ACSBG1: variants seen among roughly 807,000 people sequenced by gnomAD.
The protein encoded by ACSBG1 is acyl-CoA synthetase bubblegum family member 1.
A neutral mutation model predicts 80.2 loss-of-function variants in ACSBG1; 39 were observed. The ratio of observed to expected loss-of-function variants is 0.49; its 90% CI spans 0.38 to 0.64. ACSBG1 has a LOEUF of 0.64. Ranked by LOEUF, ACSBG1 falls within the 30% of genes least tolerant of loss-of-function variation. The probability of loss-of-function intolerance (pLI) is 0.00; values close to 1 mark genes in which losing one functional copy is unlikely to be tolerated. For missense variants in ACSBG1, 828 were observed against 966.4 expected (o/e 0.86, Z 1.90); for synonymous variants, 392 against 379.5 (o/e 1.03, Z -0.38).
chr15:78,187,309 C>T (rs2075013921), intron 5 of ACSBG1, among the ~76,000 whole-genome samples: 1 of 152,032 alleles, frequency 6.6e-6, no homozygotes, highest in South Asian at 2.1e-4. Flanking sequence ...AGGGAATCCT[C>T]CCTAACTCAT....
intron 1 of ACSBG1, among the ~76,000 whole-genome samples, chr15:78,208,703 C>T (rs183487812): frequency 1.2e-3 from 178 of 152,308 alleles, no homozygotes; most frequent in Middle Eastern, 3.4e-3. Flanking sequence ...CAGACATAGA[C>T]GGGTCCAGGG....
At chr15:78,207,572 A>G (rs771717317) in intron 2 of ACSBG1, among the ~76,000 whole-genome samples, 1 of 152,096 alleles carries the variant, frequency 6.6e-6, no homozygotes, top group Admixed American at 6.6e-5. Flanking sequence ...TCAAGCCTCC[A>G]AAACAAACCT....
intron 4 of ACSBG1, 93 bp downstream of exon 4, chr15:78,193,839 G>A: frequency 6.7e-7 from 1 of 1,491,800 alleles, no homozygotes; most frequent in Non-Finnish European, 9.1e-7. Flanking sequence ...GGTGGGGAGT[G>A]GGTGGGGGCT....
chr15:78,182,978 G>T lies in ACSBG1; in HGVS notation c.664-193C>A, dbSNP rs570135025. ...TGAGAACTTGGGAGCAGTAAAGGTG[G>T]GGATAGCCAGGGGACTGGGGATGAC... On this transcript the variant is annotated intron_variant, in intron 5 of 13. Transcript: ENST00000258873. The T allele has an allele frequency of 3.7e-5, 23 of 619,750 alleles. No individual in the cohort carries two copies. In the South Asian group the frequency reaches 4.3e-4, roughly 12 times the overall value. 38.4% of individuals were successfully genotyped at this position (619,750 alleles called of 1,614,324 possible).
chr15:78,190,036 G>A (rs1366678229), intron 5 of ACSBG1, among the ~76,000 whole-genome samples: 1 of 152,050 alleles, frequency 6.6e-6, no homozygotes, highest in Non-Finnish European at 1.5e-5. Context: ...CTACATAAAG[G>A]AAGACAGAGT....
At chr15:78,189,124 C>T (rs2075033973) in intron 5 of ACSBG1, among the ~76,000 whole-genome samples, 1 of 151,742 alleles carries the variant, frequency 6.6e-6, no homozygotes, top group Non-Finnish European at 1.5e-5. Context: ...CAATGAGATA[C>T]CATCTCACAC....
chr15:78,208,413 C>T (rs952700981), intron 1 of ACSBG1, among the ~76,000 whole-genome samples: 6 of 152,066 alleles, frequency 3.9e-5, no homozygotes, highest in Admixed American at 1.3e-4. Context: ...ATGCCTCTCT[C>T]GGGGTCTCAG....
chr15:78,215,766 GAA>G (rs1398018718), intron 1 of ACSBG1, among the ~76,000 whole-genome samples: 3 of 149,938 alleles, frequency 2.0e-5, no homozygotes, highest in African/African-American at 7.4e-5. Flanking sequence ...AAGAAAGAAA[GAA>G]AGAAAGAAAG....
chr15:78,185,351 A>G (rs1177526422), intron 5 of ACSBG1, among the ~76,000 whole-genome samples: 1 of 152,212 alleles, frequency 6.6e-6, no homozygotes, highest in East Asian at 1.9e-4. Context: ...TCCCCCCACC[A>G]GCATGGAGGG....
intron 5 of ACSBG1, among the ~76,000 whole-genome samples, chr15:78,186,456 GA>G (rs1233196142): frequency 6.6e-6 from 1 of 152,162 alleles, no homozygotes; most frequent in Non-Finnish European, 1.5e-5. Context: ...TAAAAGATCA[GA>G]AATTATAGAA....
chr15:78,193,870 C>T (rs557919409), intron 4 of ACSBG1, 62 bp downstream of exon 4: 1 of 1,576,416 alleles, frequency 6.3e-7, no homozygotes, highest in Admixed American at 1.8e-5. Flanking sequence ...GATAAGGACC[C>T]TCCCCTACCC....
Position 78,194,733 on chromosome 15 carries a change from G to A in ACSBG1, c.233-7C>T. 1 of 1,610,036 alleles carries A rather than the reference G, an allele frequency of 6.2e-7. No individual in the cohort carries two copies. The highest frequency in any genetic ancestry group is 8.5e-7 in the Non-Finnish European group (1 of 1,178,850). ...GTCGTCCACAGCGCCTCCTCTGTGGGGTGGGGGAGACCACAGCTTGGATCA... is the reference window on the plus strand; with the variant it reads ...GTCGTCCACAGCGCCTCCTCTGTGGAGTGGGGGAGACCACAGCTTGGATCA... On this transcript the variant is annotated splice_polypyrimidine_tract_variant and splice_region_variant and intron_variant, in intron 2 of 13. Coordinates refer to ENST00000258873, the MANE Select transcript of ACSBG1 (RefSeq NM_015162.5).
chr15:78,212,517 A>C (rs1242795715), intron 1 of ACSBG1: 2 of 455,054 alleles, frequency 4.4e-6, no homozygotes, highest in Non-Finnish European at 8.8e-6. Context: ...GCGGGGCAGG[A>C]GGCGGGGGAA....
intron 1 of ACSBG1, among the ~76,000 whole-genome samples, chr15:78,232,759 A>C (rs1294252543): frequency 6.7e-6 from 1 of 148,602 alleles, no homozygotes; most frequent in East Asian, 2.0e-4. Context: ...ATCTTGACTC[A>C]CTGCAATTTC....
intron 4 of ACSBG1, 86 bp downstream of exon 4, chr15:78,193,846 G>A (rs1015266690): frequency 5.9e-6 from 9 of 1,513,322 alleles, no homozygotes; most frequent in African/African-American, 1.4e-5. Flanking sequence ...AGTGGGTGGG[G>A]GCTGCTAAAA....
chr15:78,213,047 G>C lies in ACSBG1; in HGVS notation c.132-4945C>G, dbSNP rs7173073. 5.6e-3 allele frequency among the ~76,000 whole-genome samples: 854 copies of C among 152,188 alleles called. 15 individuals are homozygous for C. The highest frequency in any genetic ancestry group is 0.02 in the African/African-American group (828 of 41,502). Reference sequence around the variant, plus strand: ...AGTTCCCATCTCTCTCTGCTCAGCGGGCAAAGCAGAACTGACTCCCCAATG... The same window carrying C: ...AGTTCCCATCTCTCTCTGCTCAGCGCGCAAAGCAGAACTGACTCCCCAATG... On this transcript the variant is annotated intron_variant, in intron 1 of 13. Coordinates refer to ENST00000258873, the MANE Select transcript of ACSBG1 (RefSeq NM_015162.5).
intron 1 of ACSBG1, among the ~76,000 whole-genome samples, chr15:78,223,284 TG>T (rs1388534162): frequency 8.1e-5 from 4 of 49,688 alleles, no homozygotes; most frequent in African/African-American, 3.2e-4. Flanking sequence ...TGTTGGGGGG[TG>T]GGGTGGGGGG....
chr15:78,205,735 C>T (rs1595894982), intron 2 of ACSBG1, among the ~76,000 whole-genome samples: 1 of 152,220 alleles, frequency 6.6e-6, no homozygotes, highest in African/African-American at 2.4e-5. Context: ...GGAGGACTTT[C>T]AGCTCTCCTA....
At chr15:78,196,738 C>T (rs2075117725) in intron 2 of ACSBG1, among the ~76,000 whole-genome samples, 1 of 152,002 alleles carries the variant, frequency 6.6e-6, no homozygotes, top group Non-Finnish European at 1.5e-5. Flanking sequence ...AAATGAAAAA[C>T]AAAATGTGGT....
Sources: allele counts gnomAD v4.1 joint callset (sites outside exome capture counted in the v4.1 genomes callset), GRCh38; gene constraint gnomAD v4.1.1; transcripts MANE v1.5; gene names NCBI Gene and HGNC (gene_info 2026-07-23, HGNC 2026-07-21).